CPEB2: variants seen among roughly 807,000 people sequenced by gnomAD.
CPEB2 encodes the protein cytoplasmic polyadenylation element-binding protein 2.
Under a neutral mutation model 93.6 loss-of-function variants are expected in CPEB2, and 56 were observed. That is an observed-to-expected ratio of 0.60 (90% CI 0.48 to 0.75). The LOEUF is 0.75. CPEB2 is among the 30% of genes least tolerant of loss of function. The pLI, the probability that CPEB2 is intolerant of heterozygous loss-of-function variation, is 0.00. For synonymous variants in CPEB2, 764 were observed against 586.3 expected, an observed-to-expected ratio of 1.30 and a Z score of -4.38; for missense variants, 1,579 against 1,395.1, an observed-to-expected ratio of 1.13 and a Z score of -2.10.
chr4:15,022,203 G>A (rs1434363046), intron 4 of CPEB2, among the ~76,000 whole-genome samples: 1 of 152,028 alleles, frequency 6.6e-6, no homozygotes, highest in Non-Finnish European at 1.5e-5. Context: ...AGAAACTCTG[G>A]TATAAGAGAG....
In CPEB2 at chr4:15,003,415, G is replaced by A. The variant is rs994865893; in HGVS notation, c.742G>A (p.Asp248Asn). ...LLHQQHLSPQ[D>N]FAPRQRPADL... ...GCATCAGCAGCACCTCTCGCCGCAGGACTTCGCCCCGCGGCAGCGTCCGGC... is the reference window on the plus strand; with the variant it reads ...GCATCAGCAGCACCTCTCGCCGCAGAACTTCGCCCCGCGGCAGCGTCCGGC... Residue 248 changes from aspartate to asparagine, a missense_variant, in exon 1 of 12, where the codon GAC becomes AAC. This residue lies in a region of CPEB2 where 1,411 missense variants were observed against 1,056.0 expected (regional missense o/e 1.34). Coordinates refer to ENST00000538197, the MANE Select transcript of CPEB2 (RefSeq NM_001177382.2). The A allele has an allele frequency of 2.2e-6, 3 of 1,359,108 alleles. No homozygotes were observed. Among genetic ancestry groups the A allele is most frequent in the Non-Finnish European group, 2.8e-6 (3 of 1,066,392 alleles). 84.2% of individuals were successfully genotyped at this position (1,359,108 alleles called of 1,614,324 possible).
At chr4:15,035,706 A>T (rs1209922910) in intron 5 of CPEB2, among the ~76,000 whole-genome samples, 1 of 152,198 alleles carries the variant, frequency 6.6e-6, no homozygotes, top group Non-Finnish European at 1.5e-5. Flanking sequence ...CTATCTTGGG[A>T]CAAAGTTTAG....
chr4:15,051,931 G>C (rs1013203179), intron 6 of CPEB2, among the ~76,000 whole-genome samples: 1 of 152,202 alleles, frequency 6.6e-6, no homozygotes, highest in Non-Finnish European at 1.5e-5. Context: ...ATTGGCACAC[G>C]TGTAATAAAT....
intron 4 of CPEB2, among the ~76,000 whole-genome samples, chr4:15,027,639 T>TG (rs1725629287): frequency 2.0e-5 from 3 of 152,186 alleles, no homozygotes; most frequent in South Asian, 2.1e-4. Context: ...GAAAACAATA[T>TG]TGGAAGAGTC....
intron 3 of CPEB2, among the ~76,000 whole-genome samples, chr4:15,016,025 A>G (rs1481775414): frequency 1.3e-5 from 2 of 152,050 alleles, no homozygotes; most frequent in African/African-American, 4.8e-5. Context: ...TATGAACAGT[A>G]TATTACATAT....
At position 15,011,911 on chromosome 4, in the gene CPEB2, G is replaced by A. The variant is rs146182323; in HGVS notation, c.2034+3484G>A. Among the ~76,000 whole-genome samples, 445 of 152,124 alleles carry A rather than the reference G, an allele frequency of 2.9e-3. 5 individuals are homozygous for A. The highest frequency in any genetic ancestry group is 0.011 in the African/African-American group (440 of 41,480). On this transcript the variant is annotated intron_variant, in intron 3 of 11. Coordinates refer to ENST00000538197, the MANE Select transcript of CPEB2 (RefSeq NM_001177382.2). ...CACAAGCTCTACTTGCAGTGCTTGA[G>A]CATGTCACATAATAAACTACCTTGA... is the stretch of plus-strand genomic sequence containing the variant.
In CPEB2 at chr4:15,007,552, C is replaced by G; in HGVS notation, c.1910C>G (p.Thr637Arg). 6.2e-7 allele frequency: 1 copy of G among 1,610,948 alleles called. No individual in the cohort carries two copies. Among genetic ancestry groups the G allele is most frequent in the Non-Finnish European group, 8.5e-7 (1 of 1,177,828 alleles). ...TGGATTGAAGATAATGTGTTCAGAA[C>G]AGACAACAATAGTAATACACTCTTA... ...KSWIEDNVFR[T>R]DNNSNTLLPL... Residue 637 changes from threonine to arginine, a missense_variant, in exon 2 of 12, where the codon ACA becomes AGA. This residue lies in a region of CPEB2 where 1,411 missense variants were observed against 1,056.0 expected (regional missense o/e 1.34). Coordinates refer to ENST00000538197, the MANE Select transcript of CPEB2 (RefSeq NM_001177382.2).
rs183903639 is a variant in CPEB2 at position 15,053,631 on chromosome 4, C to T, written c.2372-497C>T. On this transcript the variant is annotated intron_variant, in intron 7 of 11. Transcript: ENST00000538197. Reference sequence around the variant, plus strand: ...TGTAATGAAATAACGTAAGACATAGCAATTGGATGTAACCTATGTGGATTT... The same window carrying T: ...TGTAATGAAATAACGTAAGACATAGTAATTGGATGTAACCTATGTGGATTT... 2.0e-3 allele frequency among the ~76,000 whole-genome samples: 309 copies of T among 152,228 alleles called. 1 individual carries two copies. The highest frequency in any genetic ancestry group is 8.5e-4 in the Non-Finnish European group (58 of 68,010).
At chr4:15,017,452 C>A in intron 4 of CPEB2, 174 bp downstream of exon 4, 1 of 447,564 alleles carries the variant, frequency 2.2e-6, no homozygotes, top group South Asian at 4.2e-5. Context: ...TCCTTTGTTG[C>A]TTAATGTGAA....
chr4:15,011,728 GTTA>G (rs1387153401), intron 3 of CPEB2, among the ~76,000 whole-genome samples: 3 of 152,122 alleles, frequency 2.0e-5, no homozygotes, highest in Non-Finnish European at 4.4e-5. Context: ...TTTAAGTGAG[GTTA>G]TTATTACTTA....
chr4:15,003,441 A>C lies in CPEB2; in HGVS notation c.768A>C (p.Ala256=). 2 of 1,357,920 alleles carry C rather than the reference A, an allele frequency of 1.5e-6. No homozygotes were observed. The highest frequency in any genetic ancestry group is 3.7e-5 in the South Asian group (2 of 54,208). 84.1% of individuals were successfully genotyped at this position (1,357,920 alleles called of 1,614,324 possible). Residue 256 remains alanine, a synonymous_variant, in exon 1 of 12, where the codon GCA becomes GCC. Coordinates refer to ENST00000538197, the MANE Select transcript of CPEB2 (RefSeq NM_001177382.2). ...ACTTCGCCCCGCGGCAGCGTCCGGC[A>C]GACCTGCCCCCGCTCCCGCAGCTCC... ...PQDFAPRQRP[A]DLPPLPQLPP...
intron 4 of CPEB2, among the ~76,000 whole-genome samples, chr4:15,025,095 A>G (rs1725300766): frequency 6.6e-6 from 1 of 151,930 alleles, no homozygotes; most frequent in Non-Finnish European, 1.5e-5. Flanking sequence ...TCAAATGTTA[A>G]ATGTTGTATA....
At chr4:15,021,831 ACTC>A (rs1383488656) in intron 4 of CPEB2, among the ~76,000 whole-genome samples, 1 of 151,892 alleles carries the variant, frequency 6.6e-6, no homozygotes, top group East Asian at 1.9e-4. Flanking sequence ...TGATTGCTAA[ACTC>A]CTATTTTTTA....
At chr4:15,037,394 T>C (rs1349876055) in intron 5 of CPEB2, among the ~76,000 whole-genome samples, 1 of 152,188 alleles carries the variant, frequency 6.6e-6, no homozygotes, top group African/African-American at 2.4e-5. Flanking sequence ...AAAATGTCTT[T>C]AGTTTCCTCA....
chr4:15,004,054 T>G lies in CPEB2; in HGVS notation c.1381T>G (p.Phe461Val). The G allele has an allele frequency of 1.3e-6, 2 of 1,565,740 alleles. No individual in the cohort carries two copies. Among genetic ancestry groups the G allele is most frequent in the Non-Finnish European group, 1.7e-6 (2 of 1,158,984 alleles). The change falls in exon 1 of 12, where the codon TTC becomes GTC. Residue 461 changes from phenylalanine (F) to valine (V), a missense_variant. This residue lies in a region of CPEB2 where 1,411 missense variants were observed against 1,056.0 expected (regional missense o/e 1.34). Coordinates refer to ENST00000538197, the MANE Select transcript of CPEB2 (RefSeq NM_001177382.2). ...GCTGCCGTCGTCCATGAACCCGGCC[T>G]TCTTCCCTAGCTTCTCGCCCGTGTC... ...PGLPSSMNPA[F>V]FPSFSPVSPH... is the part of the protein sequence containing the mutation.
At chr4:15,013,117 C>T (rs1203863317) in intron 3 of CPEB2, among the ~76,000 whole-genome samples, 3 of 151,534 alleles carry the variant, frequency 2.0e-5, no homozygotes, top group Admixed American at 6.6e-5. Flanking sequence ...GTTTTTCAGC[C>T]TTTCTAAGCT....
At chr4:15,054,022 G>A in intron 7 of CPEB2, 106 bp from the exon 8 acceptor site, 1 of 649,266 alleles carries the variant, frequency 1.5e-6, no homozygotes, top group Non-Finnish European at 2.7e-6. Flanking sequence ...TTTATCTTAA[G>A]GTATTTGGCA....
At chr4:15,033,258 G>C in intron 5 of CPEB2, 47 bp downstream of exon 5, 1 of 1,206,790 alleles carries the variant, frequency 8.3e-7, no homozygotes, top group Non-Finnish European at 1.2e-6. Context: ...TTTATGTAAA[G>C]ATGATTTAAT....
At chr4:15,004,584 G>A (rs912157526) in intron 1 of CPEB2, among the ~76,000 whole-genome samples, 18 of 152,112 alleles carry the variant, frequency 1.2e-4, no homozygotes, top group Non-Finnish European at 1.6e-4. Context: ...TTCGCGCTGG[G>A]AGCCGCGGCT....
Sources: allele counts gnomAD v4.1 joint callset (sites outside exome capture counted in the v4.1 genomes callset), GRCh38; gene constraint gnomAD v4.1.1; regional missense constraint gnomAD v4.1.1; transcripts MANE v1.5; gene names NCBI Gene and HGNC (gene_info 2026-07-23, HGNC 2026-07-21).